The following ZIM2 variants were observed in gnomAD, a reference collection of about 807,000 sequenced individuals.
ZIM2 encodes the protein zinc finger imprinted 2, also known as zinc finger protein 656.
ZIM2 carries 14 observed loss-of-function variants against 38.6 expected under a neutral mutation model. That is an observed-to-expected ratio of 0.36 (90% CI 0.24 to 0.57). The LOEUF (loss-of-function observed/expected upper bound fraction) is 0.57, where lower values mean the gene tolerates loss of function less well. Ranked by LOEUF, ZIM2 falls within the 20% of genes least tolerant of loss-of-function variation. The probability of loss-of-function intolerance (pLI) is 0.81; values close to 1 mark genes in which losing one functional copy is unlikely to be tolerated. For synonymous variants in ZIM2, 247 were observed against 245.8 expected, an observed-to-expected ratio of 1.00 and a Z score of -0.04; for missense variants, 680 against 695.1, an observed-to-expected ratio of 0.98 and a Z score of 0.24.
intron 6 of ZIM2, 161 bp downstream of exon 6, chr19:56,822,592 T>A (rs2060607401): frequency 4.5e-6 from 4 of 889,394 alleles, no homozygotes; most frequent in Admixed American, 2.5e-5. Flanking sequence ...TGGTACCGAG[T>A]GGAACTTCAA....
rs1414421345 is a variant in ZIM2 at position 56,822,812 on chromosome 19, C to T, written c.131G>A (p.Gly44Asp). ...TCGTGGCTCCATGTCTCTGCTTCTGCCCCTCCGGTCCCAGTCCCGGTCACC... is the reference window on the plus strand; with the variant it reads ...TCGTGGCTCCATGTCTCTGCTTCTGTCCCTCCGGTCCCAGTCCCGGTCACC... ...FSGDRDWDRRGRSRDMEPRDR... is the reference protein window; with the variant it reads ...FSGDRDWDRRDRSRDMEPRDR... Residue 44 changes from glycine to aspartate, a missense_variant, in exon 6 of 13, where the codon GGC becomes GAC. Physicochemically the swap from Gly to Asp is moderately conservative, Grantham distance 94 (BLOSUM62 -1). Transcript: ENST00000629319. 6.2e-7 allele frequency: 1 copy of T among 1,613,998 alleles called. No homozygotes were observed. Among genetic ancestry groups the T allele is most frequent in the Admixed American group, 1.7e-5 (1 of 60,006 alleles).
intron 5 of ZIM2, among the ~76,000 whole-genome samples, chr19:56,823,372 C>T (rs1396694692): frequency 6.6e-5 from 10 of 152,120 alleles, no homozygotes; most frequent in Admixed American, 1.3e-4. Flanking sequence ...TATACTTTAT[C>T]GTTGAATAAA....
At chr19:56,815,044 C>G (rs766636344) in intron 9 of ZIM2, 1 of 1,614,174 alleles carries the variant, frequency 6.2e-7, no homozygotes, top group South Asian at 1.1e-5. Context: ...GTCAACCAGG[C>G]ACTTCCTGCT....
At chr19:56,790,178 C>T (rs138606397) in intron 9 of ZIM2, 15 of 389,014 alleles carry the variant, frequency 3.9e-5, no homozygotes, top group African/African-American at 1.0e-4. Flanking sequence ...CTCCCACTGC[C>T]TTCCAAATAA....
At chr19:56,835,277 G>A (rs2146619919) in intron 2 of ZIM2, among the ~76,000 whole-genome samples, 1 of 152,244 alleles carries the variant, frequency 6.6e-6, no homozygotes, top group Non-Finnish European at 1.5e-5. Flanking sequence ...TGCACTTAAG[G>A]TCAAGCCCAG....
Position 56,814,148 on chromosome 19 carries a change from G to C in ZIM2, c.490+3598C>G. On this transcript the variant is annotated intron_variant, in intron 9 of 12. Transcript: ENST00000629319. The surrounding 1 kb of genome is among the most constrained non-coding windows in gnomAD (Gnocchi z 5.8). ...TTTGGCTGTCCAGCCTCTCCAATGG[G>C]CTCTGCAGCCTCTCCATCTGGCCCT... The C allele has an allele frequency of 6.2e-7, 1 of 1,614,152 alleles. No individual in the cohort carries two copies. Among genetic ancestry groups the C allele is most frequent in the Non-Finnish European group, 8.5e-7 (1 of 1,180,038 alleles).
At chr19:56,826,782 G>T (rs1601127627) in intron 2 of ZIM2, among the ~76,000 whole-genome samples, 1 of 152,174 alleles carries the variant, frequency 6.6e-6, no homozygotes, top group Non-Finnish European at 1.5e-5. Context: ...ATTATTCTAT[G>T]CAGTTCTACT....
intron 9 of ZIM2, chr19:56,816,559 T>G (rs2059995744): frequency 3.7e-6 from 6 of 1,613,940 alleles, no homozygotes; most frequent in Non-Finnish European, 5.1e-6. Flanking sequence ...CACCTTACAT[T>G]CGTACATTTT....
chr19:56,825,797 G>A (rs896199337), intron 3 of ZIM2, among the ~76,000 whole-genome samples: 4 of 152,162 alleles, frequency 2.6e-5, no homozygotes, highest in Non-Finnish European at 5.9e-5. Context: ...TAAAAGGAAA[G>A]CAAGTTTAAA....
intron 9 of ZIM2, chr19:56,812,178 C>A (rs1312644243): frequency 1.4e-5 from 14 of 979,334 alleles, no homozygotes; most frequent in Non-Finnish European, 1.7e-5. Context: ...AAAAAAATTT[C>A]TTAATATAGT....
At chr19:56,779,639 A>G (rs1047220797) in intron 11 of ZIM2, among the ~76,000 whole-genome samples, 167 bp from the exon 12 acceptor site, 1 of 152,126 alleles carries the variant, frequency 6.6e-6, no homozygotes, top group South Asian at 2.1e-4. Context: ...ATGTATGGAG[A>G]TATCTTTGGT....
At chr19:56,811,428 T>C in intron 9 of ZIM2, 1 of 910,752 alleles carries the variant, frequency 1.1e-6, no homozygotes, top group South Asian at 5.1e-5. Flanking sequence ...TAAATATATT[T>C]CCACGTTGCT....
intron 11 of ZIM2, among the ~76,000 whole-genome samples, chr19:56,779,825 G>A (rs533690483): frequency 1.3e-5 from 2 of 151,236 alleles, no homozygotes; most frequent in South Asian, 2.1e-4. Flanking sequence ...CATGAGGGCA[G>A]TGTGCTGAGC....
chr19:56,826,212 G>C (rs972771729), intron 3 of ZIM2, among the ~76,000 whole-genome samples, 176 bp downstream of exon 3: 4 of 152,150 alleles, frequency 2.6e-5, no homozygotes, highest in African/African-American at 9.7e-5. Context: ...TTTCAGACAT[G>C]GTCACTCTAA....
chr19:56,821,850 A>C lies in ZIM2; in HGVS notation c.191-96T>G. On this transcript the variant is annotated intron_variant, in intron 6 of 12. Coordinates refer to ENST00000629319, the MANE Select transcript of ZIM2 (RefSeq NM_001387356.1). ...CAACTATGAAGCCAGCTGGGGTGTG[A>C]GTGTATGAGAGCAAGTGCCTTTCTC... 3 of 1,303,990 alleles carry C rather than the reference A, an allele frequency of 2.3e-6. No individual in the cohort carries two copies. In the South Asian group the frequency reaches 3.6e-5, roughly 16 times the overall value. 80.8% of individuals were successfully genotyped at this position (1,303,990 alleles called of 1,614,324 possible). A position where few individuals can be genotyped will look rare whatever the true frequency, so the allele number is the denominator to read the frequency against.
intron 12 of ZIM2, among the ~76,000 whole-genome samples, chr19:56,778,865 A>C (rs2086424188): frequency 6.6e-6 from 1 of 152,176 alleles, no homozygotes; most frequent in Admixed American, 6.5e-5. Context: ...CTATGGTTCC[A>C]GAACTATAAG....
chr19:56,801,302 T>C (rs10421306), intron 9 of ZIM2, among the ~76,000 whole-genome samples: 120,300 of 151,884 alleles, frequency 0.79, 47,745 homozygotes, highest in South Asian at 0.85. Context: ...CTATAATCTT[T>C]GACCTATAGC....
chr19:56,817,913 C>T (rs2060128746), intron 8 of ZIM2, 75 bp from the exon 9 acceptor site: 2 of 1,172,378 alleles, frequency 1.7e-6, no homozygotes, highest in Admixed American at 3.9e-5. Flanking sequence ...TGATCTTCAT[C>T]TTTCACTGAG....
At chr19:56,838,817 G>T (rs1001815977) in intron 1 of ZIM2, among the ~76,000 whole-genome samples, 3 of 152,168 alleles carry the variant, frequency 2.0e-5, no homozygotes, top group Admixed American at 6.5e-5. Context: ...TTCCATCACC[G>T]CAAGGCAGGC....
Sources: gnomAD v4.1 joint callset for allele counts (sites outside exome capture counted in the v4.1 genomes callset) on GRCh38, gnomAD v4.1.1 for gene constraint, Gnocchi (gnomAD v3.1) non-coding constraint, MANE v1.5 for transcripts, NCBI Gene and HGNC (gene_info 2026-07-23, HGNC 2026-07-21) for gene names.